The following SLC38A3 variants were observed in gnomAD, a reference collection of about 807,000 sequenced individuals.
SLC38A3 encodes the protein sodium-coupled neutral amino acid transporter 3.
Under a neutral mutation model 59.5 loss-of-function variants are expected in SLC38A3, and 17 were observed. The ratio of observed to expected loss-of-function variants is 0.29; its 90% confidence interval spans 0.20 to 0.43. The LOEUF (loss-of-function observed/expected upper bound fraction) is 0.43, where lower values mean the gene tolerates loss of function less well. SLC38A3 is among the 20% of genes least tolerant of loss of function. The pLI is 1.00. For synonymous variants in SLC38A3, 238 were observed against 260.3 expected (o/e 0.91, Z 0.82); for missense variants, 454 against 653.9 (o/e 0.69, Z 3.33).
Position 50,220,372 on chromosome 3 carries a change from GC to G in SLC38A3, c.*196del. Reference sequence around the variant, plus strand: ...ACCAAGGCCCTTGGGCCACTACCCTGCTAGGCTCTGGAGCTGTAGAGGCTTC... The same window carrying G: ...ACCAAGGCCCTTGGGCCACTACCCTGTAGGCTCTGGAGCTGTAGAGGCTTC... On this transcript the variant is annotated 3_prime_UTR_variant, in exon 16 of 16. Coordinates refer to ENST00000614032, the MANE Select transcript of SLC38A3 (RefSeq NM_006841.6). 1 of 588,486 alleles carries G rather than the reference GC, an allele frequency of 1.7e-6. No homozygotes were observed. Among genetic ancestry groups the G allele is most frequent in the Non-Finnish European group, 3.0e-6 (1 of 330,214 alleles). 36.5% of individuals were successfully genotyped at this position (588,486 alleles called of 1,614,324 possible).
In SLC38A3 at chr3:50,220,107, T is replaced by C; in HGVS notation, c.1445T>C (p.Met482Thr). The change falls in exon 16 of 16, where the codon ATG (methionine) becomes ACG (threonine). Residue 482 changes from methionine to threonine, a missense_variant. Coordinates refer to ENST00000614032, the MANE Select transcript of SLC38A3 (RefSeq NM_006841.6). ...TTTGCTATGCTTGGCTTCTTGCTGA[T>C]GACCATGAGCTTGAGCTTCATCATC... ...LCFAMLGFLL[M>T]TMSLSFIIID... 6.2e-7 allele frequency: 1 copy of C among 1,607,636 alleles called. No homozygotes were observed. Among genetic ancestry groups the C allele is most frequent in the Non-Finnish European group, 8.5e-7 (1 of 1,176,620 alleles).
intron 1 of SLC38A3, among the ~76,000 whole-genome samples, chr3:50,208,175 G>A (rs149152636): frequency 1.3e-5 from 2 of 152,228 alleles, no homozygotes; most frequent in Non-Finnish European, 2.9e-5. Flanking sequence ...AGTGCCCATT[G>A]GGCCTACTGC....
At position 50,217,562 on chromosome 3, in the gene SLC38A3, G is replaced by A. The variant is rs1699835567; in HGVS notation, c.690+89G>A. 7.0e-6 allele frequency: 11 copies of A among 1,580,228 alleles called. No individual in the cohort carries two copies. The highest frequency in any genetic ancestry group is 1.7e-4 in the Middle Eastern group (1 of 5,808). ...ATCAGGAGGGGGCAGGTGTCTCTGG[G>A]AAGCCTGGGCCAGAAGGCAGCTCCA... On this transcript the variant is annotated intron_variant, in intron 9 of 15. Coordinates refer to ENST00000614032, the MANE Select transcript of SLC38A3 (RefSeq NM_006841.6). This position sits in a 1 kb window ranked among gnomAD's most constrained non-coding sequence, Gnocchi z 4.9.
At position 50,215,216 on chromosome 3, in the gene SLC38A3, G is replaced by A. The variant is rs1699800175; in HGVS notation, c.300-170G>A. 1.6e-6 allele frequency: 1 copy of A among 626,740 alleles called. No homozygotes were observed. The allele number at this position is 626,740 out of a possible 1,614,324, so 38.8% of individuals were successfully genotyped here. ...TGTCGCACCCTGGATCAAAGGGGGTGGTGTTCATCACCCCTGGGGCCTGCT... is the reference window on the plus strand; with the variant it reads ...TGTCGCACCCTGGATCAAAGGGGGTAGTGTTCATCACCCCTGGGGCCTGCT... On this transcript the variant is annotated intron_variant, in intron 4 of 15. Transcript: ENST00000614032. The surrounding 1 kb of genome is among the most constrained non-coding windows in gnomAD (Gnocchi z 7.1).
chr3:50,217,723 C>T lies in SLC38A3; in HGVS notation c.738C>T (p.Phe246=), dbSNP rs771769680. Residue 246 remains phenylalanine (F), a synonymous_variant, in exon 10 of 16, where the codon TTC becomes TTT. Coordinates refer to ENST00000614032, the MANE Select transcript of SLC38A3 (RefSeq NM_006841.6). The surrounding 1 kb of genome is among the most constrained non-coding windows in gnomAD (Gnocchi z 4.9). ...TGCCCTGCCCACTGCCCCCCAACTT[C>T]AACAACACCACAGGCAACTTCAGCC... ...FHVPCPLPPN[F]NNTTGNFSHV... 1 of 1,613,904 alleles carries T rather than the reference C, an allele frequency of 6.2e-7. No homozygotes were observed. Among genetic ancestry groups the T allele is most frequent in the Non-Finnish European group, 8.5e-7 (1 of 1,179,876 alleles).
Position 50,215,259 on chromosome 3 carries a change from T to C in SLC38A3, c.300-127T>C. The C allele has an allele frequency of 1.3e-6, 1 of 783,086 alleles. No individual in the cohort carries two copies. Among genetic ancestry groups the C allele is most frequent in the African/African-American group, 1.7e-5 (1 of 58,598 alleles). The allele number at this position is 783,086 out of a possible 1,614,324, so 48.5% of individuals were successfully genotyped here. A position where few individuals can be genotyped will look rare whatever the true frequency, so the allele number is the denominator to read the frequency against. On this transcript the variant is annotated intron_variant, in intron 4 of 15. Transcript: ENST00000614032. This position sits in a 1 kb window ranked among gnomAD's most constrained non-coding sequence, Gnocchi z 7.1. ...GGCCTGCTGAGCTGGCATCCATACC[T>C]GTTGGGAGTCCAGACACCCAGGTCA... is the stretch of plus-strand genomic sequence containing the variant.
chr3:50,217,586 C>T lies in SLC38A3; in HGVS notation c.691-90C>T. The T allele has an allele frequency of 6.3e-7, 1 of 1,585,026 alleles. No individual in the cohort carries two copies. The highest frequency in any genetic ancestry group is 8.6e-7 in the Non-Finnish European group (1 of 1,157,680). On this transcript the variant is annotated intron_variant, in intron 9 of 15. Transcript: ENST00000614032. The surrounding 1 kb of genome is among the most constrained non-coding windows in gnomAD (Gnocchi z 4.9). ...GGAAGCCTGGGCCAGAAGGCAGCTC[C>T]ACCAGTCCTGATCTAGATGTGGCTT...
chr3:50,210,611 G>A (rs569852206), intron 1 of SLC38A3, among the ~76,000 whole-genome samples: 2 of 152,204 alleles, frequency 1.3e-5, no homozygotes, highest in Admixed American at 6.5e-5. Context: ...TGCATCAGCC[G>A]CCCTGAAGTG....
At position 50,217,064 on chromosome 3, in the gene SLC38A3, C is replaced by T. The variant is rs758175882; in HGVS notation, c.549-174C>T. 1.5e-4 allele frequency among the ~76,000 whole-genome samples: 23 copies of T among 152,232 alleles called. No individual in the cohort carries two copies. The highest frequency in any genetic ancestry group is 4.6e-4 in the African/African-American group (19 of 41,450). On this transcript the variant is annotated intron_variant, in intron 7 of 15. Coordinates refer to ENST00000614032, the MANE Select transcript of SLC38A3 (RefSeq NM_006841.6). The surrounding 1 kb of genome is among the most constrained non-coding windows in gnomAD (Gnocchi z 4.9). ...CTGGGATTACAGGCGTGAACCACCG[C>T]GCCCAGCTGGGCATGCCCATTTTGC...
At chr3:50,220,026 G>T in intron 15 of SLC38A3, 42 bp downstream of exon 15, 1 of 1,602,722 alleles carries the variant, frequency 6.2e-7, no homozygotes, top group East Asian at 2.2e-5. Flanking sequence ...ATGGGGCTAA[G>T]GGAACTGCCC....
rs778105665 is a variant in SLC38A3 at position 50,218,595 on chromosome 3, G to A, written c.1039G>A (p.Gly347Arg). 3.1e-6 allele frequency: 5 copies of A among 1,612,242 alleles called. No individual in the cohort carries two copies. The South Asian group carries it at 4.4e-5, about 14-fold the overall frequency. The change falls in exon 13 of 16, where the codon GGG (glycine) becomes AGG (arginine). Residue 347 changes from glycine (G) to arginine (R), a missense_variant and splice_region_variant. Physicochemically the swap from Gly to Arg is moderately radical, Grantham distance 125. Transcript: ENST00000614032. This position sits in a 1 kb window ranked among gnomAD's most constrained non-coding sequence, Gnocchi z 5.8. Reference protein sequence around the residue: ...ALFGYLTFYNGVESELLHTYS... With the variant: ...ALFGYLTFYNRVESELLHTYS... ...ACCACCCTCCCTGCCTGCCACAGAC[G>A]GGGTGGAGTCGGAGCTGCTGCACAC...
Position 50,217,334 on chromosome 3 carries a change from G to A in SLC38A3, c.631+14G>A, listed in dbSNP as rs375804640. 2 of 1,612,858 alleles carry A rather than the reference G, an allele frequency of 1.2e-6. No individual in the cohort carries two copies. Among genetic ancestry groups the A allele is most frequent in the Non-Finnish European group, 1.7e-6 (2 of 1,179,282 alleles). On this transcript the variant is annotated intron_variant, in intron 8 of 15. Transcript: ENST00000614032. This position sits in a 1 kb window ranked among gnomAD's most constrained non-coding sequence, Gnocchi z 4.9. Reference sequence around the variant, plus strand: ...TGCGGCAGCTTGGTGAGTGTGGAAGGGTCAGAGCCTTGGAGGGGATGTTGG... The same window carrying A: ...TGCGGCAGCTTGGTGAGTGTGGAAGAGTCAGAGCCTTGGAGGGGATGTTGG...
At position 50,220,325 on chromosome 3, in the gene SLC38A3, A is replaced by C. The variant is rs1699880005; in HGVS notation, c.*148A>C. 1 of 673,828 alleles carries C rather than the reference A, an allele frequency of 1.5e-6. No homozygotes were observed. Among genetic ancestry groups the C allele is most frequent in the Non-Finnish European group, 2.5e-6 (1 of 392,952 alleles). 41.7% of individuals were successfully genotyped at this position (673,828 alleles called of 1,614,324 possible). On this transcript the variant is annotated 3_prime_UTR_variant, in exon 16 of 16. Coordinates refer to ENST00000614032, the MANE Select transcript of SLC38A3 (RefSeq NM_006841.6). ...CCAGGCCCCATGTCCTCTCTGTGGA[A>C]GGTTTTTGTTCAAGAGCCAGGACCA...
rs750448762 is a variant in SLC38A3, at chr3:50,215,374, A to G, written c.300-12A>G. The G allele has an allele frequency of 4.3e-6, 7 of 1,613,246 alleles. No individual in the cohort carries two copies. In the East Asian group the frequency reaches 6.7e-5, roughly 15 times the overall value. ...TGGCCTCTTTTTCTTCCATCTTCCC[A>G]TGTGTCCCCAGGTTCCTGTTGACAG... On this transcript the variant is annotated splice_polypyrimidine_tract_variant and intron_variant, in intron 4 of 15. Coordinates refer to ENST00000614032, the MANE Select transcript of SLC38A3 (RefSeq NM_006841.6). This position sits in a 1 kb window ranked among gnomAD's most constrained non-coding sequence, Gnocchi z 7.1.
chr3:50,215,695 G>A lies in SLC38A3; in HGVS notation c.467-45G>A. 6.2e-7 allele frequency: 1 copy of A among 1,610,006 alleles called. No homozygotes were observed. ...GGTGGACAGCCCTGAAAGCTGGCTG[G>A]TTGGGCTGACCTCAGCGCCTGCCTG... On this transcript the variant is annotated intron_variant, in intron 6 of 15. Coordinates refer to ENST00000614032, the MANE Select transcript of SLC38A3 (RefSeq NM_006841.6). The surrounding 1 kb of genome is among the most constrained non-coding windows in gnomAD (Gnocchi z 7.1).
intron 1 of SLC38A3, among the ~76,000 whole-genome samples, chr3:50,208,403 C>T (rs986581288): frequency 3.3e-5 from 5 of 152,068 alleles, no homozygotes; most frequent in Non-Finnish European, 7.4e-5. Flanking sequence ...GCTGGGATTA[C>T]AGGCACCTGC....
intron 1 of SLC38A3, among the ~76,000 whole-genome samples, chr3:50,212,366 G>A (rs957986898): frequency 4.6e-5 from 7 of 152,190 alleles, no homozygotes; most frequent in African/African-American, 1.2e-4. Context: ...AGCTCTGGAC[G>A]CCAGCACTGG....
Position 50,218,927 on chromosome 3 carries a change from C to G in SLC38A3, c.1285C>G (p.Leu429Val), listed in dbSNP as rs756040646. Residue 429 changes from leucine (L) to valine (V), a missense_variant, in exon 14 of 16, where the codon CTG (leucine) becomes GTG (valine). By Grantham distance (32) the Leu-to-Val change is conservative (BLOSUM62 1). This residue lies in a region of SLC38A3 where 390 missense variants were observed against 557.9 expected (regional missense o/e 0.70). Coordinates refer to ENST00000614032, the MANE Select transcript of SLC38A3 (RefSeq NM_006841.6). This position sits in a 1 kb window ranked among gnomAD's most constrained non-coding sequence, Gnocchi z 5.8. ...NLLVIFAPNI[L>V]GIFGVIGATS... is the part of the protein sequence containing the mutation. ...GCTGGTCATCTTTGCCCCCAACATCCTGGGCATCTTTGGGGTCATCGGTGA... is the reference window on the plus strand; with the variant it reads ...GCTGGTCATCTTTGCCCCCAACATCGTGGGCATCTTTGGGGTCATCGGTGA... 6.2e-7 allele frequency: 1 copy of G among 1,612,302 alleles called. No individual in the cohort carries two copies. Among genetic ancestry groups the G allele is most frequent in the Non-Finnish European group, 8.5e-7 (1 of 1,178,490 alleles).
chr3:50,221,149 C>T lies in SLC38A3; in HGVS notation c.*972C>T, dbSNP rs1456012949. The T allele has an allele frequency of 1.4e-5, 2 of 145,696 alleles. No homozygotes were observed. Among genetic ancestry groups the T allele is most frequent in the African/African-American group, 5.1e-5 (2 of 39,578 alleles). The allele number at this position is 145,696 out of a possible 1,614,324, so 9.0% of individuals were successfully genotyped here. A position where few individuals can be genotyped will look rare whatever the true frequency, so the allele number is the denominator to read the frequency against. ...CTGCCTCCCAAACTAACCAGTGGCA[C>T]ACTCAGACCCAGCTCTGGGCCTGGG... On this transcript the variant is annotated 3_prime_UTR_variant, in exon 16 of 16. Transcript: ENST00000614032.
Sources: gnomAD v4.1 joint callset for allele counts (sites outside exome capture counted in the v4.1 genomes callset) on GRCh38, gnomAD v4.1.1 for gene constraint, gnomAD v4.1.1 regional missense constraint, Gnocchi (gnomAD v3.1) non-coding constraint, MANE v1.5 for transcripts, NCBI Gene and HGNC (gene_info 2026-07-23, HGNC 2026-07-21) for gene names.